The following PALS1 variants were observed in gnomAD, a reference collection of about 807,000 sequenced individuals.
PALS1 encodes the protein protein associated with LIN7 1, MAGUK p55 family member, also known as protein PALS1.
In PALS1, 31 loss-of-function variants were observed where a neutral mutation model predicts 78.9. That is an observed-to-expected ratio of 0.39 (90% CI 0.30 to 0.53). PALS1 has a LOEUF of 0.53. Ranked by LOEUF, PALS1 falls within the 20% of genes least tolerant of loss-of-function variation. The pLI is 0.67. For synonymous variants in PALS1, 276 were observed against 270.9 expected, an observed-to-expected ratio of 1.02 and a Z score of -0.18; for missense variants, 704 against 826.5, an observed-to-expected ratio of 0.85 and a Z score of 1.82.
chr14:67,306,084 T>C (rs1433873272), intron 8 of PALS1, among the ~76,000 whole-genome samples: 1 of 152,244 alleles, frequency 6.6e-6, no homozygotes, highest in Non-Finnish European at 1.5e-5. Flanking sequence ...GTTCTCCTGC[T>C]TCAGCCTCCC....
Position 67,333,028 on chromosome 14 carries a change from T to C in PALS1, c.*72T>C, listed in dbSNP as rs148258233. ...TGCCAATAGGAGGACTGCCCGACAC[T>C]GCAGCAAGATTGAGGATAAGATGGA... On this transcript the variant is annotated 3_prime_UTR_variant, in exon 15 of 15. Transcript: ENST00000261681. 300 of 1,328,092 alleles carry C rather than the reference T, an allele frequency of 2.3e-4. No individual in the cohort carries two copies. In the African/African-American group the frequency reaches 4.0e-3, roughly 18 times the overall value. 82.3% of individuals were successfully genotyped at this position (1,328,092 alleles called of 1,614,324 possible). A position where few individuals can be genotyped will look rare whatever the true frequency, so the allele number is the denominator to read the frequency against.
At chr14:67,277,766 C>T (rs2084529344) in intron 2 of PALS1, among the ~76,000 whole-genome samples, 1 of 152,036 alleles carries the variant, frequency 6.6e-6, no homozygotes, top group Admixed American at 6.6e-5. Context: ...CAAGTTAATA[C>T]TGGTAATTAA....
At chr14:67,315,150 T>C (rs1401806310) in intron 9 of PALS1, among the ~76,000 whole-genome samples, 5 of 152,084 alleles carry the variant, frequency 3.3e-5, no homozygotes, top group Non-Finnish European at 5.9e-5. Flanking sequence ...GAATAGCCTA[T>C]AGTTCATACT....
chr14:67,287,033 CAGTGAAATCT>C (rs2084701193), intron 3 of PALS1, among the ~76,000 whole-genome samples: 1 of 151,938 alleles, frequency 6.6e-6, no homozygotes, highest in South Asian at 2.1e-4. Flanking sequence ...GCTTGGGTGA[CAGTGAAATCT>C]TGTCTCTACA....
chr14:67,260,627 CTT>C (rs1304236799), intron 1 of PALS1, among the ~76,000 whole-genome samples: 4 of 151,998 alleles, frequency 2.6e-5, no homozygotes, highest in Non-Finnish European at 5.9e-5. Context: ...AGAGGAAAAT[CTT>C]AACAGATAAA....
intron 8 of PALS1, among the ~76,000 whole-genome samples, chr14:67,307,945 T>G (rs1326737403): frequency 6.6e-6 from 1 of 151,522 alleles, no homozygotes; most frequent in Non-Finnish European, 1.5e-5. Flanking sequence ...ATGGATGGAG[T>G]TGGAGGCCAT....
chr14:67,323,232 C>CATGTGTGTATGTGTGTATGTGTGTGT (rs57594216), intron 13 of PALS1, among the ~76,000 whole-genome samples: 1 of 143,592 alleles, frequency 7.0e-6, no homozygotes, highest in Non-Finnish European at 1.5e-5. Context: ...CATATATACA[C>CATGTGTGTATGTGTGTATGTGTGTGT]GTGTGTGTGT....
intron 2 of PALS1, among the ~76,000 whole-genome samples, chr14:67,272,712 G>A (rs1289982378): frequency 6.6e-6 from 1 of 152,138 alleles, no homozygotes; most frequent in Non-Finnish European, 1.5e-5. Context: ...AGGCTGGAGC[G>A]CAGTGGCACG....
chr14:67,289,769 C>CTT (rs1566552377), intron 3 of PALS1, among the ~76,000 whole-genome samples: 1 of 128,346 alleles, frequency 7.8e-6, no homozygotes, highest in Admixed American at 8.8e-5. Flanking sequence ...TTTCCATGTC[C>CTT]TTTTTTTTTT....
intron 2 of PALS1, among the ~76,000 whole-genome samples, chr14:67,274,581 C>G (rs1417739574): frequency 6.6e-6 from 1 of 152,092 alleles, no homozygotes; most frequent in East Asian, 1.9e-4. Context: ...ATTCTTTTGG[C>G]TTAGGGTTGT....
intron 1 of PALS1, among the ~76,000 whole-genome samples, chr14:67,245,384 A>G (rs1215405298): frequency 1.3e-5 from 2 of 152,078 alleles, no homozygotes; most frequent in African/African-American, 2.4e-5. Flanking sequence ...CATTTCCCCC[A>G]TGACTGAGGA....
rs141947941 is a variant in PALS1, at chr14:67,328,506, G to C, written c.1852-4274G>C. Among the ~76,000 whole-genome samples, 30 of 152,256 alleles carry C rather than the reference G, an allele frequency of 2.0e-4. No individual in the cohort carries two copies. In the East Asian group the frequency reaches 4.0e-3, roughly 21 times the overall value. On this transcript the variant is annotated intron_variant, in intron 14 of 14. Coordinates refer to ENST00000261681, the MANE Select transcript of PALS1 (RefSeq NM_022474.4). ...ATTAGATCCCATTTGTCAATTTTGA[G>C]TTTTGTTGCCATTGCTTTTGGTGTT...
At chr14:67,327,093 T>C (rs2085369324) in intron 14 of PALS1, among the ~76,000 whole-genome samples, 1 of 152,132 alleles carries the variant, frequency 6.6e-6, no homozygotes, top group Non-Finnish European at 1.5e-5. Flanking sequence ...GAGAATCACT[T>C]GAACCCGGGA....
intron 5 of PALS1, 79 bp from the exon 6 acceptor site, chr14:67,301,893 C>G: frequency 7.1e-7 from 1 of 1,412,918 alleles, no homozygotes; most frequent in Non-Finnish European, 9.5e-7. Flanking sequence ...GGTCAGAATA[C>G]TATGTACATA....
chr14:67,319,471 A>G (rs1336566249), intron 11 of PALS1, among the ~76,000 whole-genome samples: 1 of 152,208 alleles, frequency 6.6e-6, no homozygotes, highest in Non-Finnish European at 1.5e-5. Context: ...AAGTGGAGAT[A>G]GCATGCATAT....
At chr14:67,295,240 T>C (rs1400530598) in intron 4 of PALS1, among the ~76,000 whole-genome samples, 1 of 151,662 alleles carries the variant, frequency 6.6e-6, no homozygotes, top group Non-Finnish European at 1.5e-5. Context: ...ATCCCAGCAT[T>C]TTGGGAGGCC....
At chr14:67,260,212 G>A (rs377596350) in intron 1 of PALS1, among the ~76,000 whole-genome samples, 1 of 152,166 alleles carries the variant, frequency 6.6e-6, no homozygotes, top group East Asian at 1.9e-4. Context: ...GTAAAATTAT[G>A]AATGAGGACA....
At position 67,284,547 on chromosome 14, in the gene PALS1, T is replaced by TAAAAAAAAAAAAAAAAAAAAAAA. The variant is rs36207191; in HGVS notation, c.367+5029_367+5051dup. Among the ~76,000 whole-genome samples, 2 of 23,296 alleles carry TAAAAAAAAAAAAAAAAAAAAAAA rather than the reference T, an allele frequency of 8.6e-5. 1 individual carries two copies. The highest frequency in any genetic ancestry group is 2.0e-4 in the Non-Finnish European group (2 of 10,220). 15.3% of individuals were successfully genotyped at this position (23,296 alleles called of 152,430 possible). ...GCCCAGGAGATCGAGGCTGCAGTGC[T>TAAAAAAAAAAAAAAAAAAAAAAA]AAAAAAAAAAAAAAAAAAAAAAAAA... On this transcript the variant is annotated intron_variant, in intron 3 of 14. Transcript: ENST00000261681.
intron 3 of PALS1, among the ~76,000 whole-genome samples, chr14:67,288,212 T>A (rs2084720548): frequency 6.6e-6 from 1 of 152,152 alleles, no homozygotes. Context: ...CCCAAGTAGC[T>A]GGCACTTTAG....
Sources: allele counts gnomAD v4.1 joint callset (sites outside exome capture counted in the v4.1 genomes callset), GRCh38; gene constraint gnomAD v4.1.1; transcripts MANE v1.5; gene names NCBI Gene and HGNC (gene_info 2026-07-23, HGNC 2026-07-21).